The following RALYL variants were observed in gnomAD, a reference collection of about 807,000 sequenced individuals.
RALYL encodes RALY RNA binding protein like, also known as RNA-binding Raly-like protein.
A neutral mutation model predicts 35.1 loss-of-function variants in RALYL; 29 were observed. That is an observed-to-expected ratio of 0.83 (90% CI 0.61 to 1.13). The LOEUF (loss-of-function observed/expected upper bound fraction) is 1.13. Among genes scored for constraint, RALYL ranks in the 50% most tolerant of loss-of-function variants. The probability of loss-of-function intolerance (pLI) is 0.00; values close to 1 mark genes in which losing one functional copy is unlikely to be tolerated. For missense variants in RALYL, 359 were observed against 360.4 expected (o/e 1.00, Z 0.03); for synonymous variants, 120 against 127.6 (o/e 0.94, Z 0.40).
chr8:84,800,371 A>T (rs1326640157), intron 3 of RALYL, among the ~76,000 whole-genome samples: 1 of 152,222 alleles, frequency 6.6e-6, no homozygotes, highest in African/African-American at 2.4e-5. Flanking sequence ...TTGTATCATG[A>T]CGTTTAAATA....
At chr8:84,685,946 A>G (rs1039338351) in intron 2 of RALYL, among the ~76,000 whole-genome samples, 1 of 152,158 alleles carries the variant, frequency 6.6e-6, no homozygotes, top group Non-Finnish European at 1.5e-5. Flanking sequence ...TTAGGTGCAG[A>G]TAGGTGTGGC....
intron 1 of RALYL, among the ~76,000 whole-genome samples, chr8:84,467,078 C>A (rs1217112101): frequency 6.6e-6 from 1 of 151,862 alleles, no homozygotes; most frequent in South Asian, 2.1e-4. Context: ...TTTTGTTGAT[C>A]CTTTCAAAAA....
At chr8:84,748,762 A>C (rs920572765) in intron 2 of RALYL, among the ~76,000 whole-genome samples, 6 of 152,134 alleles carry the variant, frequency 3.9e-5, no homozygotes, top group Non-Finnish European at 8.8e-5. Context: ...TTATGTACCC[A>C]TAATCAACAT....
At chr8:84,520,323 A>T (rs1413219085) in intron 1 of RALYL, among the ~76,000 whole-genome samples, 2 of 152,196 alleles carry the variant, frequency 1.3e-5, no homozygotes, top group African/African-American at 4.8e-5. Flanking sequence ...TCCTAGAATT[A>T]TATCAGTTTG....
Position 84,217,937 on chromosome 8 carries a change from A to G in RALYL, c.-24+33513A>G, listed in dbSNP as rs186173195. On this transcript the variant is annotated intron_variant, in intron 1 of 8. Transcript: ENST00000521268. ...ATGTGAAATGGCTATTATCAAGCTC[A>G]TTAACATATCCTCTACCTCACATAC... Among the ~76,000 whole-genome samples, 6 of 152,258 alleles carry G rather than the reference A, an allele frequency of 3.9e-5. No homozygotes were observed. The East Asian group carries it at 5.8e-4, about 15-fold the overall frequency.
At chr8:84,208,652 C>G (rs940954531) in intron 1 of RALYL, among the ~76,000 whole-genome samples, 1 of 152,120 alleles carries the variant, frequency 6.6e-6, no homozygotes, top group Admixed American at 6.5e-5. Context: ...TTGCTTGAGC[C>G]TCAGTTTCCT....
intron 2 of RALYL, among the ~76,000 whole-genome samples, chr8:84,578,917 C>T (rs1416864596): frequency 1.3e-5 from 2 of 152,330 alleles, no homozygotes; most frequent in African/African-American, 4.8e-5. Context: ...ACCATACATT[C>T]TCACTCTGGG....
intron 1 of RALYL, among the ~76,000 whole-genome samples, chr8:84,515,139 G>A (rs972246324): frequency 2.0e-5 from 3 of 152,022 alleles, no homozygotes; most frequent in South Asian, 2.1e-4. Flanking sequence ...TTATGTTTAC[G>A]ACCCTAAGCA....
Position 84,304,293 on chromosome 8 carries a change from A to G in RALYL, c.-24+119869A>G, listed in dbSNP as rs578222222. Among the ~76,000 whole-genome samples, 125 of 151,866 alleles carry G rather than the reference A, an allele frequency of 8.2e-4. 4 individuals are homozygous for G. The South Asian group carries it at 0.022, about 27-fold the overall frequency. Reference sequence around the variant, plus strand: ...CCACCAAGCCCAGCTAATTTTTTGTATTTTTAGTAGAGATGAGGTTTCACC... The same window carrying G: ...CCACCAAGCCCAGCTAATTTTTTGTGTTTTTAGTAGAGATGAGGTTTCACC... On this transcript the variant is annotated intron_variant, in intron 1 of 8. Coordinates refer to ENST00000521268, the MANE Select transcript of RALYL (RefSeq NM_173848.7).
chr8:84,386,714 A>G (rs1859279881), intron 1 of RALYL, among the ~76,000 whole-genome samples: 1 of 151,792 alleles, frequency 6.6e-6, no homozygotes, highest in Non-Finnish European at 1.5e-5. Flanking sequence ...TCATCCATTG[A>G]CTACATATCA....
chr8:84,213,719 C>T (rs1042596542), intron 1 of RALYL, among the ~76,000 whole-genome samples: 9 of 152,080 alleles, frequency 5.9e-5, no homozygotes, highest in Admixed American at 2.0e-4. Flanking sequence ...AAATGAATTT[C>T]ATGTATTTCC....
At chr8:84,437,310 T>C (rs2047842435) in intron 1 of RALYL, among the ~76,000 whole-genome samples, 1 of 152,156 alleles carries the variant, frequency 6.6e-6, no homozygotes, top group Non-Finnish European at 1.5e-5. Context: ...GCTATCGTGT[T>C]GTGATGAACA....
chr8:84,916,383 G>A (rs926749328), intron 8 of RALYL, among the ~76,000 whole-genome samples: 4 of 151,732 alleles, frequency 2.6e-5, no homozygotes, highest in African/African-American at 9.7e-5. Flanking sequence ...TGGTTTGGCT[G>A]TGTCCCCACC....
intron 1 of RALYL, among the ~76,000 whole-genome samples, chr8:84,404,711 C>G (rs1036443423): frequency 2.0e-5 from 3 of 152,116 alleles, no homozygotes; most frequent in Admixed American, 6.6e-5. Flanking sequence ...AGGAGTCTCT[C>G]TTTTTCTTTT....
At position 84,311,090 on chromosome 8, in the gene RALYL, A is replaced by ATAT. The variant is rs1481265344; in HGVS notation, c.-24+126666_-24+126667insTAT. On this transcript the variant is annotated intron_variant, in intron 1 of 8. Transcript: ENST00000521268. ...AAAAAAAAAAAAAAAAAAAAAAAAA[A>ATAT]ATGTATATTAATGTATAGTATAAAT... is the stretch of plus-strand genomic sequence containing the variant. Among the ~76,000 whole-genome samples, 121 of 99,764 alleles carry ATAT rather than the reference A, an allele frequency of 1.2e-3. 5 individuals carry two copies. The highest frequency in any genetic ancestry group is 5.5e-3 in the Middle Eastern group (1 of 182). 65.4% of individuals were successfully genotyped at this position (99,764 alleles called of 152,430 possible).
At chr8:84,331,184 C>T (rs1160896792) in intron 1 of RALYL, among the ~76,000 whole-genome samples, 1 of 152,098 alleles carries the variant, frequency 6.6e-6, no homozygotes, top group African/African-American at 2.4e-5. Flanking sequence ...AAAGACTGAA[C>T]TTATGTCAGT....
chr8:84,785,000 A>G (rs139397749), intron 3 of RALYL, among the ~76,000 whole-genome samples: 70 of 151,668 alleles, frequency 4.6e-4, no homozygotes, highest in African/African-American at 1.5e-3. Context: ...GAGAGTTGAC[A>G]TCTATTTTGC....
At chr8:84,886,661 A>G (rs1842958425) in intron 7 of RALYL, among the ~76,000 whole-genome samples, 1 of 152,204 alleles carries the variant, frequency 6.6e-6, no homozygotes, top group Admixed American at 6.6e-5. Context: ...TTGTATTATC[A>G]TAGGGGATGA....
chr8:84,722,989 A>C (rs1435913852), intron 2 of RALYL, among the ~76,000 whole-genome samples: 1 of 151,914 alleles, frequency 6.6e-6, no homozygotes, highest in Middle Eastern at 3.2e-3. Context: ...ATTTCAAAAA[A>C]AGCTTGCTTC....
Sources: allele counts gnomAD v4.1 joint callset (sites outside exome capture counted in the v4.1 genomes callset), GRCh38; gene constraint gnomAD v4.1.1; transcripts MANE v1.5; gene names NCBI Gene and HGNC (gene_info 2026-07-23, HGNC 2026-07-21).